The following NNT variants were observed in gnomAD, a reference collection of about 807,000 sequenced individuals.
The protein encoded by NNT is NAD(P) transhydrogenase, mitochondrial.
In NNT, 50 loss-of-function variants were observed where a neutral mutation model predicts 104.8. The observed-to-expected ratio is 0.48, with a 90% CI of 0.38 to 0.60. The LOEUF (loss-of-function observed/expected upper bound fraction) is 0.60. NNT is among the 20% of genes least tolerant of loss of function. The probability of loss-of-function intolerance (pLI) is 0.00; values close to 1 mark genes in which losing one functional copy is unlikely to be tolerated. For synonymous variants in NNT, 461 were observed against 490.4 expected (o/e 0.94, Z 0.79); for missense variants, 1,131 against 1,330.7 (o/e 0.85, Z 2.33).
At chr5:43,659,396 A>G in intron 17 of NNT, 46 bp downstream of exon 17, 1 of 1,470,892 alleles carries the variant, frequency 6.8e-7, no homozygotes, top group Non-Finnish European at 9.3e-7. Flanking sequence ...GGCTTCCTGA[A>G]AACATGGATG....
chr5:43,674,229 C>T (rs1741286066), intron 17 of NNT, among the ~76,000 whole-genome samples: 1 of 152,098 alleles, frequency 6.6e-6, no homozygotes, highest in African/African-American at 2.4e-5. Flanking sequence ...GATTCATCAT[C>T]TTTGAAATTT....
At chr5:43,641,604 T>G (rs1751244660) in intron 7 of NNT, among the ~76,000 whole-genome samples, 1 of 152,104 alleles carries the variant, frequency 6.6e-6, no homozygotes, top group African/African-American at 2.4e-5. Flanking sequence ...ATGAGAAACA[T>G]TCATGTATAT....
intron 19 of NNT, among the ~76,000 whole-genome samples, chr5:43,691,727 A>C (rs1027542048): frequency 6.6e-6 from 1 of 152,224 alleles, no homozygotes; most frequent in Non-Finnish European, 1.5e-5. Context: ...GACTTTTTCA[A>C]TCTAAAACTT....
At chr5:43,662,490 A>G (rs1740422205) in intron 17 of NNT, among the ~76,000 whole-genome samples, 1 of 152,140 alleles carries the variant, frequency 6.6e-6, no homozygotes, top group Non-Finnish European at 1.5e-5. Flanking sequence ...TTGTACTCCT[A>G]TTCTGTATAT....
chr5:43,667,648 T>A (rs1470782074), intron 17 of NNT, among the ~76,000 whole-genome samples: 4 of 152,246 alleles, frequency 2.6e-5, no homozygotes, highest in African/African-American at 9.6e-5. Flanking sequence ...GTGCCACATT[T>A]TCTTAATCCA....
chr5:43,669,349 G>C (rs920046634), intron 17 of NNT, among the ~76,000 whole-genome samples: 14 of 152,110 alleles, frequency 9.2e-5, no homozygotes, highest in Admixed American at 5.9e-4. Context: ...GGGCATCCCT[G>C]TCTTGTGCCA....
intron 20 of NNT, 144 bp from the exon 21 acceptor site, chr5:43,702,477 T>C: frequency 1.9e-6 from 1 of 529,564 alleles, no homozygotes; most frequent in Non-Finnish European, 3.2e-6. Flanking sequence ...TCTGATAAAG[T>C]TCTTTGTAAA....
Position 43,705,419 on chromosome 5 carries a change from G to GAAT in NNT, c.*1016_*1017insATA, listed in dbSNP as rs1743063082. 1 of 152,030 alleles carries GAAT rather than the reference G, an allele frequency of 6.6e-6. No individual in the cohort carries two copies. Among genetic ancestry groups the GAAT allele is most frequent in the Non-Finnish European group, 1.5e-5 (1 of 67,948 alleles). The allele number at this position is 152,030 out of a possible 1,614,324, so 9.4% of individuals were successfully genotyped here. A position where few individuals can be genotyped will look rare whatever the true frequency, so the allele number is the denominator to read the frequency against. On this transcript the variant is annotated 3_prime_UTR_variant, in exon 22 of 22. Transcript: ENST00000344920. ...AGGTCTTATGTAATTGATGACATTT[G>GAAT]AGAGAAATGGTGGCTTTTTTTAGCT... is the stretch of plus-strand genomic sequence containing the variant.
At chr5:43,663,580 A>G (rs1740482096) in intron 17 of NNT, among the ~76,000 whole-genome samples, 1 of 152,220 alleles carries the variant, frequency 6.6e-6, no homozygotes, top group African/African-American at 2.4e-5. Context: ...AGGAAATTAT[A>G]GGAGATTTAT....
chr5:43,614,314 C>T (rs1236580698), intron 3 of NNT, among the ~76,000 whole-genome samples: 1 of 152,150 alleles, frequency 6.6e-6, no homozygotes, highest in Admixed American at 6.5e-5. Context: ...CTAGCATTAA[C>T]AAACTTCTTG....
intron 11 of NNT, 101 bp from the exon 12 acceptor site, chr5:43,650,376 C>A (rs1298078157): frequency 2.5e-6 from 2 of 796,954 alleles, no homozygotes; most frequent in South Asian, 1.8e-5. Context: ...ATATTGAGAA[C>A]TTTACCCTCT....
At chr5:43,664,683 A>G (rs753619911) in intron 17 of NNT, among the ~76,000 whole-genome samples, 16 of 152,202 alleles carry the variant, frequency 1.1e-4, no homozygotes, top group Non-Finnish European at 1.6e-4. Flanking sequence ...GAACTGTTCA[A>G]TCTCTGGAAC....
intron 1 of NNT, among the ~76,000 whole-genome samples, chr5:43,608,190 A>G (rs1217918271): frequency 2.6e-5 from 4 of 152,102 alleles, no homozygotes; most frequent in Non-Finnish European, 4.4e-5. Context: ...TGGCCTCCCA[A>G]AGTGCTGGGA....
intron 7 of NNT, among the ~76,000 whole-genome samples, chr5:43,630,838 G>A (rs534436733): frequency 1.3e-5 from 2 of 152,132 alleles, no homozygotes; most frequent in East Asian, 3.9e-4. Context: ...TATAATGAGA[G>A]CTTAAAGGGT....
chr5:43,646,375 T>TCCTGG (rs1228421699), intron 10 of NNT, among the ~76,000 whole-genome samples: 4 of 152,102 alleles, frequency 2.6e-5, no homozygotes, highest in African/African-American at 9.7e-5. Context: ...AGCCTCAACT[T>TCCTGG]CCTGGGGTTG....
intron 7 of NNT, among the ~76,000 whole-genome samples, chr5:43,640,248 T>C (rs917739587): frequency 6.6e-6 from 1 of 152,176 alleles, no homozygotes; most frequent in Non-Finnish European, 1.5e-5. Flanking sequence ...ACATTGGATA[T>C]ATTCATTTCC....
In NNT at chr5:43,628,535, T is replaced by C. The variant is rs16873419; in HGVS notation, c.964+148T>C. ...ATAAAAGTACTAGAAAACGAGAAAA[T>C]ATATGACAAAATTCATAGTCATTAA... On this transcript the variant is annotated intron_variant, in intron 7 of 21. Coordinates refer to ENST00000344920, the MANE Select transcript of NNT (RefSeq NM_182977.3). 2.7e-3 allele frequency: 1,636 copies of C among 612,264 alleles called. 25 individuals carry two copies. In the African/African-American group the frequency reaches 0.028, roughly 10 times the overall value. The allele number at this position is 612,264 out of a possible 1,614,324, so 37.9% of individuals were successfully genotyped here. A position where few individuals can be genotyped will look rare whatever the true frequency, so the allele number is the denominator to read the frequency against.
chr5:43,634,416 T>C (rs1385245647), intron 7 of NNT, among the ~76,000 whole-genome samples: 2 of 152,220 alleles, frequency 1.3e-5, no homozygotes, highest in Non-Finnish European at 2.9e-5. Flanking sequence ...AAATATTGTT[T>C]TTGATGACTA....
chr5:43,689,110 T>C (rs1312810660), intron 19 of NNT, among the ~76,000 whole-genome samples: 3 of 152,196 alleles, frequency 2.0e-5, no homozygotes, highest in Non-Finnish European at 4.4e-5. Context: ...TGCATTGAGG[T>C]TTGGTTTTCA....
Sources: gnomAD v4.1 joint callset for allele counts (sites outside exome capture counted in the v4.1 genomes callset) on GRCh38, gnomAD v4.1.1 for gene constraint, MANE v1.5 for transcripts, NCBI Gene and HGNC (gene_info 2026-07-23, HGNC 2026-07-21) for gene names.